Variants in FHIT observed in about 807,000 individuals in gnomAD.
FHIT encodes the protein bis(5'-adenosyl)-triphosphatase.
A neutral mutation model predicts 17.9 loss-of-function variants in FHIT; 19 were observed. That is an observed-to-expected ratio of 1.06 (90% CI 0.74 to 1.56). FHIT has a LOEUF of 1.56. Ranked by LOEUF, FHIT falls within the 40% of genes most tolerant of loss-of-function variation. FHIT has a pLI of 0.00. For synonymous variants in FHIT, 81 were observed against 69.7 expected, an observed-to-expected ratio of 1.16 and a Z score of -0.81; for missense variants, 248 against 189.2, an observed-to-expected ratio of 1.31 and a Z score of -1.82.
chr3:60,551,795 CCCCAT>C (rs1296006408), intron 4 of FHIT, among the ~76,000 whole-genome samples: 1 of 150,912 alleles, frequency 6.6e-6, no homozygotes, highest in African/African-American at 2.4e-5. Flanking sequence ...AAAGCATATG[CCCCAT>C]TCCCAGATTA....
At chr3:59,836,111 AAAG>A (rs1701330509) in intron 8 of FHIT, among the ~76,000 whole-genome samples, 1 of 152,148 alleles carries the variant, frequency 6.6e-6, no homozygotes, top group South Asian at 2.1e-4. Flanking sequence ...ATGAGTTTAC[AAAG>A]AAGACTCAAG....
Position 60,777,539 on chromosome 3 carries a change from T to C in FHIT, c.-18+44380A>G, listed in dbSNP as rs188498260. 2.8e-3 allele frequency among the ~76,000 whole-genome samples: 427 copies of C among 152,312 alleles called. 2 individuals carry two copies. The highest frequency in any genetic ancestry group is 4.3e-3 in the Non-Finnish European group (293 of 68,028). On this transcript the variant is annotated intron_variant, in intron 4 of 9. Coordinates refer to ENST00000492590, the MANE Select transcript of FHIT (RefSeq NM_002012.4). ...AGAGAGCAGGTTATAAAATGCTTCT[T>C]ATCAGACCTAAAAGGGTGCCTGGCT...
intron 4 of FHIT, among the ~76,000 whole-genome samples, chr3:60,672,863 C>T (rs1553694310): frequency 2.5e-5 from 1 of 39,664 alleles, no homozygotes; most frequent in African/African-American, 6.8e-5. Flanking sequence ...TTTAATTATA[C>T]CTCTTTGTAG....
intron 5 of FHIT, among the ~76,000 whole-genome samples, chr3:60,388,888 G>A (rs993116421): frequency 1.3e-5 from 2 of 152,098 alleles, no homozygotes; most frequent in Non-Finnish European, 2.9e-5. Flanking sequence ...GGCTCGTAAA[G>A]TTAGCACAGT....
chr3:59,769,804 C>T (rs293603), intron 8 of FHIT, among the ~76,000 whole-genome samples: 147,241 of 151,648 alleles, frequency 0.97, 71,533 homozygotes, highest in East Asian at 1. Flanking sequence ...TCAGATAAAC[C>T]CATTCTGCTA....
chr3:60,295,024 T>C (rs975932505), intron 5 of FHIT, among the ~76,000 whole-genome samples: 1 of 151,938 alleles, frequency 6.6e-6, no homozygotes, highest in African/African-American at 2.4e-5. Context: ...CAAGTTTTTG[T>C]GTTTCTTGGA....
At chr3:60,203,113 T>C (rs1274051996) in intron 5 of FHIT, among the ~76,000 whole-genome samples, 1 of 152,148 alleles carries the variant, frequency 6.6e-6, no homozygotes, top group African/African-American at 2.4e-5. Flanking sequence ...TTCTAGTTCT[T>C]ACATGAGACT....
intron 1 of FHIT, among the ~76,000 whole-genome samples, chr3:61,210,523 G>C (rs1302732437): frequency 1.3e-5 from 2 of 152,214 alleles, no homozygotes; most frequent in Non-Finnish European, 2.9e-5. Context: ...CCCTCCCCCA[G>C]CCTCGCTGCC....
At chr3:60,365,000 T>G (rs1700049287) in intron 5 of FHIT, among the ~76,000 whole-genome samples, 1 of 151,890 alleles carries the variant, frequency 6.6e-6, no homozygotes, top group African/African-American at 2.4e-5. Flanking sequence ...CCTCCTTAAG[T>G]ACATGAAACA....
Position 60,391,652 on chromosome 3 carries a change from A to C in FHIT, c.103+145208T>G, listed in dbSNP as rs555968349. Among the ~76,000 whole-genome samples the C allele has an allele frequency of 2.6e-5, 4 of 152,316 alleles. No homozygotes were observed. In the East Asian group the frequency reaches 5.8e-4, roughly 22 times the overall value. On this transcript the variant is annotated intron_variant, in intron 5 of 9. Transcript: ENST00000492590. ...TGTGTTACAGCTGCATATAATATTCAGTACAATAACATGCTGTGCAGGTAT... is the reference window on the plus strand; with the variant it reads ...TGTGTTACAGCTGCATATAATATTCCGTACAATAACATGCTGTGCAGGTAT...
At chr3:60,219,808 C>CTTGT (rs1703876919) in intron 5 of FHIT, among the ~76,000 whole-genome samples, 1 of 152,108 alleles carries the variant, frequency 6.6e-6, no homozygotes, top group African/African-American at 2.4e-5. Flanking sequence ...CTTCTAAGAT[C>CTTGT]TTGTATCTAA....
intron 4 of FHIT, among the ~76,000 whole-genome samples, chr3:60,714,942 T>C (rs1159823654): frequency 3.9e-5 from 6 of 152,058 alleles, no homozygotes; most frequent in South Asian, 2.1e-4. Context: ...TACTTTAAAG[T>C]TCATATGGAA....
chr3:60,164,730 T>G (rs77953841), intron 5 of FHIT, among the ~76,000 whole-genome samples: 673 of 152,292 alleles, frequency 4.4e-3, no homozygotes, highest in African/African-American at 0.015. Context: ...GGCTTGCCAG[T>G]GCTTTGCCAG....
intron 8 of FHIT, among the ~76,000 whole-genome samples, chr3:59,804,877 T>C (rs555293994): frequency 9.2e-5 from 14 of 152,298 alleles, no homozygotes; most frequent in African/African-American, 3.1e-4. Flanking sequence ...CCGAGGACTG[T>C]CATGCACTAA....
chr3:59,929,361 TG>T (rs199788048), intron 7 of FHIT, among the ~76,000 whole-genome samples: 14,188 of 130,094 alleles, frequency 0.11, 1,456 homozygotes, highest in Non-Finnish European at 0.17. Context: ...ATTGTTTTTT[TG>T]GTTTTTTTTT....
chr3:60,221,429 C>T (rs1446349243), intron 5 of FHIT, among the ~76,000 whole-genome samples: 3 of 152,144 alleles, frequency 2.0e-5, no homozygotes, highest in South Asian at 4.1e-4. Context: ...CTGCCTCTAT[C>T]CATCCTCCTA....
chr3:60,412,120 G>A (rs1702083148), intron 5 of FHIT, among the ~76,000 whole-genome samples: 3 of 152,074 alleles, frequency 2.0e-5, no homozygotes, highest in South Asian at 4.1e-4. Flanking sequence ...CATACCTGTA[G>A]TCTCAACTAC....
chr3:60,681,402 C>A (rs1559636008), intron 4 of FHIT, among the ~76,000 whole-genome samples: 1 of 152,086 alleles, frequency 6.6e-6, no homozygotes, highest in African/African-American at 2.4e-5. Flanking sequence ...CCCTGAGACA[C>A]AACAAATTGA....
At chr3:59,871,920 G>A (rs575359702) in intron 8 of FHIT, among the ~76,000 whole-genome samples, 125 of 152,286 alleles carry the variant, frequency 8.2e-4, no homozygotes, top group African/African-American at 2.9e-3. Context: ...TTTGTGATAC[G>A]TGTTACAGAG....
Sources: gnomAD v4.1 joint callset for allele counts (sites outside exome capture counted in the v4.1 genomes callset) on GRCh38, gnomAD v4.1.1 for gene constraint, MANE v1.5 for transcripts, NCBI Gene and HGNC (gene_info 2026-07-23, HGNC 2026-07-21) for gene names.